MACROD2: variants seen among roughly 807,000 people sequenced by gnomAD.
MACROD2 encodes ADP-ribose glycohydrolase MACROD2.
In MACROD2, 36 loss-of-function variants were observed where a neutral mutation model predicts 70.4. The observed-to-expected ratio is 0.51, with a 90% confidence interval of 0.39 to 0.68. The LOEUF (loss-of-function observed/expected upper bound fraction) is 0.68. MACROD2 is among the 30% of genes least tolerant of loss of function. The pLI, the probability that MACROD2 is intolerant of heterozygous loss-of-function variation, is 0.00. For synonymous variants in MACROD2, 172 were observed against 178.8 expected, an observed-to-expected ratio of 0.96 and a Z score of 0.30; for missense variants, 496 against 538.4, an observed-to-expected ratio of 0.92 and a Z score of 0.78.
intron 3 of MACROD2, among the ~76,000 whole-genome samples, chr20:14,158,289 A>C (rs1394625373): frequency 1.3e-5 from 2 of 152,064 alleles, no homozygotes; most frequent in Non-Finnish European, 2.9e-5. Flanking sequence ...GTGTTTCTCA[A>C]ACTATTGAGT....
intron 8 of MACROD2, among the ~76,000 whole-genome samples, chr20:15,762,675 TGAG>T (rs1348192892): frequency 1.3e-5 from 2 of 152,188 alleles, no homozygotes; most frequent in African/African-American, 4.8e-5. Context: ...GTTATGGCTA[TGAG>T]AAGAATATTC....
At chr20:14,565,574 T>A (rs1369700648) in intron 4 of MACROD2, among the ~76,000 whole-genome samples, 2 of 151,912 alleles carry the variant, frequency 1.3e-5, no homozygotes, top group African/African-American at 2.4e-5. Context: ...GTTGCATGTT[T>A]CAATAGTTGG....
chr20:14,694,536 T>C lies in MACROD2; in HGVS notation c.418+9577T>C, dbSNP rs1393260719. ...TTAAGTGAGATGATGAACATGAATGTATTTTTAAAATAAAAGTTTCTTATC... is the reference window on the plus strand; with the variant it reads ...TTAAGTGAGATGATGAACATGAATGCATTTTTAAAATAAAAGTTTCTTATC... On this transcript the variant is annotated intron_variant, in intron 5 of 17. Coordinates refer to ENST00000684519, the MANE Select transcript of MACROD2 (RefSeq NM_001351661.2). Among the ~76,000 whole-genome samples, 5 of 152,322 alleles carry C rather than the reference T, an allele frequency of 3.3e-5. No homozygotes were observed. The East Asian group carries it at 9.6e-4, about 29-fold the overall frequency.
rs561742629 is a variant in MACROD2, at chr20:13,995,577, C to A, written c.-187C>A. 1.3e-4 allele frequency: 85 copies of A among 671,740 alleles called. No individual in the cohort carries two copies. The African/African-American group carries it at 1.3e-3, about 11-fold the overall frequency. The allele number at this position is 671,740 out of a possible 1,614,324, so 41.6% of individuals were successfully genotyped here. A position where few individuals can be genotyped will look rare whatever the true frequency, so the allele number is the denominator to read the frequency against. On this transcript the variant is annotated 5_prime_UTR_variant, in exon 1 of 18. Coordinates refer to ENST00000684519, the MANE Select transcript of MACROD2 (RefSeq NM_001351661.2). This position sits in a 1 kb window ranked among gnomAD's most constrained non-coding sequence, Gnocchi z 4.3. ...GGGCTGAGGCGGGTGGGAGCCGGAG[C>A]CGAGCGCGGGCTGAGGGAGGAGGGC... is the stretch of plus-strand genomic sequence containing the variant.
At chr20:16,048,228 G>A (rs1273740233) in intron 17 of MACROD2, among the ~76,000 whole-genome samples, 1 of 152,162 alleles carries the variant, frequency 6.6e-6, no homozygotes, top group Non-Finnish European at 1.5e-5. Flanking sequence ...CATTTTGAGT[G>A]AGAGTCAGTA....
chr20:16,033,555 C>T (rs970012808), intron 15 of MACROD2, among the ~76,000 whole-genome samples: 1 of 151,962 alleles, frequency 6.6e-6, no homozygotes, highest in African/African-American at 2.4e-5. Context: ...AAGAGATACC[C>T]AGAAGTAGCC....
At chr20:14,270,692 C>T (rs1221050395) in intron 3 of MACROD2, among the ~76,000 whole-genome samples, 1 of 151,854 alleles carries the variant, frequency 6.6e-6, no homozygotes, top group Admixed American at 6.6e-5. Flanking sequence ...TTTCCTATGT[C>T]ATCCTTTCAA....
At chr20:16,013,893 T>C (rs973344631) in intron 15 of MACROD2, among the ~76,000 whole-genome samples, 1 of 152,208 alleles carries the variant, frequency 6.6e-6, no homozygotes, top group Non-Finnish European at 1.5e-5. Context: ...AGAATATCTG[T>C]TGAGATAGGC....
chr20:14,641,486 G>T (rs925705849), intron 4 of MACROD2, among the ~76,000 whole-genome samples: 2 of 152,140 alleles, frequency 1.3e-5, no homozygotes, highest in Non-Finnish European at 2.9e-5. Context: ...AGTGTCCTTT[G>T]CCCAGATCCA....
At chr20:15,667,099 G>A (rs1275932730) in intron 8 of MACROD2, among the ~76,000 whole-genome samples, 1 of 152,140 alleles carries the variant, frequency 6.6e-6, no homozygotes, top group Non-Finnish European at 1.5e-5. Flanking sequence ...ATGTTGGATT[G>A]TAATCCCCAA....
intron 5 of MACROD2, among the ~76,000 whole-genome samples, chr20:15,138,669 T>C (rs1029660093): frequency 2.6e-5 from 4 of 152,186 alleles, no homozygotes; most frequent in African/African-American, 4.8e-5. Context: ...CAGCTTGGCA[T>C]TGAATGTGTT....
chr20:14,142,663 T>C (rs982716608), intron 3 of MACROD2, among the ~76,000 whole-genome samples: 5 of 152,320 alleles, frequency 3.3e-5, no homozygotes, highest in African/African-American at 7.2e-5. Flanking sequence ...TTTGTTAAAC[T>C]TGCCACTGCC....
intron 3 of MACROD2, among the ~76,000 whole-genome samples, chr20:14,185,120 G>A (rs971759589): frequency 6.6e-6 from 1 of 151,280 alleles, no homozygotes; most frequent in African/African-American, 2.4e-5. Flanking sequence ...ATAATGATTT[G>A]TTGAATCAAT....
chr20:14,117,834 GTT>G (rs1319160427), intron 3 of MACROD2, among the ~76,000 whole-genome samples: 1 of 152,140 alleles, frequency 6.6e-6, no homozygotes, highest in Non-Finnish European at 1.5e-5. Flanking sequence ...AGCAGGCAAA[GTT>G]CTAAGATGTT....
chr20:15,904,880 CAAAAAAAAAAAAAAAAAA>C (rs10556594), intron 10 of MACROD2, among the ~76,000 whole-genome samples: 2 of 129,030 alleles, frequency 1.6e-5, no homozygotes, highest in African/African-American at 6.1e-5. Context: ...GACTCTGTCT[CAAAAAAAAAAAAAAAAAA>C]AAAAAAGAAG....
intron 6 of MACROD2, among the ~76,000 whole-genome samples, chr20:15,393,438 T>G (rs184131221): frequency 6.6e-6 from 1 of 152,314 alleles, no homozygotes; most frequent in African/African-American, 2.4e-5. Context: ...CAAAGTTATC[T>G]TTGACTCTTC....
At chr20:14,994,159 G>A (rs1163925849) in intron 5 of MACROD2, among the ~76,000 whole-genome samples, 1 of 151,830 alleles carries the variant, frequency 6.6e-6, no homozygotes, top group African/African-American at 2.4e-5. Flanking sequence ...GGATAGATAT[G>A]TACATACATA....
At position 15,527,647 on chromosome 20, in the gene MACROD2, T is replaced by C. The variant is rs1041005380; in HGVS notation, c.645+27800T>C. On this transcript the variant is annotated intron_variant, in intron 8 of 17. Transcript: ENST00000684519. ...GGCCATCTGATCATCAGTGTAAGGC[T>C]TCAGAATGATCTGAGGTCCACTACT... is the stretch of plus-strand genomic sequence containing the variant. Among the ~76,000 whole-genome samples the C allele has an allele frequency of 2.5e-4, 38 of 152,188 alleles. 1 individual carries two copies. The highest frequency in any genetic ancestry group is 4.4e-5 in the Non-Finnish European group (3 of 68,042).
intron 4 of MACROD2, among the ~76,000 whole-genome samples, chr20:14,522,516 C>T (rs746816499): frequency 6.6e-6 from 1 of 152,198 alleles, no homozygotes; most frequent in Non-Finnish European, 1.5e-5. Context: ...TCTACTCTGT[C>T]GGGCTTACTA....
Sources: gnomAD v4.1 joint callset for allele counts (sites outside exome capture counted in the v4.1 genomes callset) on GRCh38, gnomAD v4.1.1 for gene constraint, Gnocchi (gnomAD v3.1) non-coding constraint, MANE v1.5 for transcripts, NCBI Gene and HGNC (gene_info 2026-07-23, HGNC 2026-07-21) for gene names.